SMURF2: variants seen among roughly 807,000 people sequenced by gnomAD.
SMURF2 encodes the protein E3 ubiquitin-protein ligase SMURF2.
In SMURF2, 48 loss-of-function variants were observed where a neutral mutation model predicts 109.6. That is an observed-to-expected ratio of 0.44 (90% CI 0.35 to 0.56). The LOEUF (loss-of-function observed/expected upper bound fraction) is 0.56. Ranked by LOEUF, SMURF2 falls within the 20% of genes least tolerant of loss-of-function variation. The pLI is 0.01. For missense variants in SMURF2, 575 were observed against 909.0 expected (o/e 0.63, Z 4.72); for synonymous variants, 288 against 317.1 (o/e 0.91, Z 0.97).
chr17:64,553,399 G>A (rs1555683776), intron 15 of SMURF2, among the ~76,000 whole-genome samples: 3 of 151,922 alleles, frequency 2.0e-5, no homozygotes, highest in African/African-American at 4.8e-5. Context: ...CCAGCTACTC[G>A]GGAGGCTGAG....
In SMURF2 at chr17:64,581,380, C is replaced by A. The variant is rs184275639; in HGVS notation, c.570-389G>T. Among the ~76,000 whole-genome samples the A allele has an allele frequency of 2.0e-5, 3 of 152,330 alleles. No individual in the cohort carries two copies. Among genetic ancestry groups the A allele is most frequent in the Admixed American group, 6.5e-5 (1 of 15,304 alleles). ...ACTCATATTCTTCCTGTTCCTTGAA[C>A]TTGCCAAGGTCATTCCACCTGAGAG... On this transcript the variant is annotated intron_variant, in intron 7 of 18. Coordinates refer to ENST00000262435, the MANE Select transcript of SMURF2 (RefSeq NM_022739.4). This position sits in a 1 kb window ranked among gnomAD's most constrained non-coding sequence, Gnocchi z 4.3.
intron 15 of SMURF2, among the ~76,000 whole-genome samples, chr17:64,552,395 T>C (rs1413073259): frequency 2.0e-5 from 3 of 152,224 alleles, no homozygotes; most frequent in Admixed American, 2.0e-4. Flanking sequence ...AACTTACTCA[T>C]CTGTCAAATT....
At position 64,547,882 on chromosome 17, in the gene SMURF2, T is replaced by C; in HGVS notation, c.1870-81A>G. 1 of 1,176,178 alleles carries C rather than the reference T, an allele frequency of 8.5e-7. No individual in the cohort carries two copies. The highest frequency in any genetic ancestry group is 1.3e-6 in the Non-Finnish European group (1 of 796,926). The allele number at this position is 1,176,178 out of a possible 1,614,324, so 72.9% of individuals were successfully genotyped here. ...TCCTCAAAAGAGAACTTTAGGTTTG[T>C]ACTGCTGGCTGTCATTTGGTGGTTC... On this transcript the variant is annotated intron_variant, in intron 16 of 18. Transcript: ENST00000262435. The surrounding 1 kb of genome is among the most constrained non-coding windows in gnomAD (Gnocchi z 4.2).
intron 4 of SMURF2, 168 bp downstream of exon 4, chr17:64,593,272 C>A (rs1273226833): frequency 5.2e-6 from 2 of 383,572 alleles, no homozygotes; most frequent in East Asian, 1.1e-4. Flanking sequence ...CAGACATGCA[C>A]AAGAAGTTGT....
intron 3 of SMURF2, among the ~76,000 whole-genome samples, chr17:64,596,444 C>T (rs1464001380): frequency 4.0e-5 from 6 of 151,850 alleles, no homozygotes; most frequent in African/African-American, 9.7e-5. Context: ...TGATATTTCA[C>T]CTAGAAGCCT....
intron 1 of SMURF2, among the ~76,000 whole-genome samples, chr17:64,646,598 G>A (rs1970562991): frequency 6.6e-6 from 1 of 150,494 alleles, no homozygotes; most frequent in African/African-American, 2.4e-5. Context: ...GCCCAGGCTG[G>A]TCTCGAATTC....
chr17:64,611,001 A>G (rs1355347839), intron 1 of SMURF2, among the ~76,000 whole-genome samples: 1 of 152,080 alleles, frequency 6.6e-6, no homozygotes, highest in East Asian at 1.9e-4. Flanking sequence ...CCTCTCTTCC[A>G]GTTCTGTTTA....
chr17:64,551,049 A>T (rs1969037663), intron 16 of SMURF2, among the ~76,000 whole-genome samples: 1 of 152,068 alleles, frequency 6.6e-6, no homozygotes, highest in African/African-American at 2.4e-5. Context: ...TAAATTAAAA[A>T]TTTTCACAAT....
At chr17:64,658,487 G>A (rs1359916017) in intron 1 of SMURF2, among the ~76,000 whole-genome samples, 1 of 152,144 alleles carries the variant, frequency 6.6e-6, no homozygotes, top group African/African-American at 2.4e-5. Context: ...CATATCTAAA[G>A]GGAAATTTTT....
At chr17:64,596,228 G>A (rs1223690670) in intron 3 of SMURF2, among the ~76,000 whole-genome samples, 9 of 151,982 alleles carry the variant, frequency 5.9e-5, no homozygotes, top group African/African-American at 1.9e-4. Flanking sequence ...TCGTTATGTT[G>A]TAGCTGGATT....
intron 1 of SMURF2, among the ~76,000 whole-genome samples, chr17:64,612,170 A>C (rs1598295685): frequency 6.6e-6 from 1 of 152,134 alleles, no homozygotes; most frequent in African/African-American, 2.4e-5. Context: ...TGTTGCTTAT[A>C]ATTGCGGAGG....
chr17:64,644,560 C>T (rs1970534651), intron 1 of SMURF2, among the ~76,000 whole-genome samples: 1 of 149,414 alleles, frequency 6.7e-6, no homozygotes, highest in Admixed American at 6.7e-5. Context: ...CAAACCACTG[C>T]ACTCCAGCCT....
intron 3 of SMURF2, among the ~76,000 whole-genome samples, chr17:64,595,118 T>A (rs1555687987): frequency 1.3e-5 from 2 of 152,240 alleles, no homozygotes; most frequent in East Asian, 3.9e-4. Context: ...TTAAGCAACT[T>A]CATCTGTGTA....
chr17:64,590,144 C>CTTTTT lies in SMURF2; in HGVS notation c.400+935_400+939dup, dbSNP rs200015210. Among the ~76,000 whole-genome samples the CTTTTT allele has an allele frequency of 2.3e-3, 317 of 136,920 alleles. 5 individuals carry two copies. The highest frequency in any genetic ancestry group is 6.5e-3 in the African/African-American group (232 of 35,894). 89.8% of individuals were successfully genotyped at this position (136,920 alleles called of 152,430 possible). ...GACATTCCTATTGAATTTTTCTTTTCTTTTTTTTTTTTTTTGAGACAGGGT... is the reference window on the plus strand; with the variant it reads ...GACATTCCTATTGAATTTTTCTTTTCTTTTTTTTTTTTTTTTTTTTGAGACAGGGT... On this transcript the variant is annotated intron_variant, in intron 5 of 18. Transcript: ENST00000262435.
intron 4 of SMURF2, 145 bp downstream of exon 4, chr17:64,593,295 A>G (rs1969773824): frequency 1.7e-6 from 1 of 578,674 alleles, no homozygotes; most frequent in Non-Finnish European, 2.4e-6. Flanking sequence ...TTGAAGCCCT[A>G]CCAACATACT....
At chr17:64,652,675 G>A (rs575529816) in intron 1 of SMURF2, among the ~76,000 whole-genome samples, 19 of 152,180 alleles carry the variant, frequency 1.2e-4, no homozygotes, top group Non-Finnish European at 1.5e-4. Context: ...TAGTAGAGAC[G>A]GGGTTTTGCC....
intron 10 of SMURF2, among the ~76,000 whole-genome samples, chr17:64,569,892 G>A (rs1555685411): frequency 6.6e-6 from 1 of 152,154 alleles, no homozygotes; most frequent in Non-Finnish European, 1.5e-5. Context: ...CACTTATTTT[G>A]CTATCTAGGC....
intron 16 of SMURF2, among the ~76,000 whole-genome samples, chr17:64,549,104 C>T (rs782418005): frequency 1.3e-5 from 2 of 150,928 alleles, no homozygotes; most frequent in Non-Finnish European, 1.5e-5. Flanking sequence ...GCCAACATGG[C>T]GAAACCCTGT....
chr17:64,567,309 A>G lies in SMURF2; in HGVS notation c.1017-4343T>C, dbSNP rs553231405. 1.4e-4 allele frequency among the ~76,000 whole-genome samples: 21 copies of G among 152,352 alleles called. No individual in the cohort carries two copies. The East Asian group carries it at 3.9e-3, about 28-fold the overall frequency. On this transcript the variant is annotated intron_variant, in intron 10 of 18. Transcript: ENST00000262435. ...ATGCAAATGCTGGCCATATTAATGG[A>G]AACTAATCAACAAAATTGGAAAACT...
Sources: gnomAD v4.1 joint callset for allele counts (sites outside exome capture counted in the v4.1 genomes callset) on GRCh38, gnomAD v4.1.1 for gene constraint, Gnocchi (gnomAD v3.1) non-coding constraint, MANE v1.5 for transcripts, NCBI Gene and HGNC (gene_info 2026-07-23, HGNC 2026-07-21) for gene names.